Variants in COL4A2 observed in about 807,000 individuals in gnomAD.
The protein encoded by COL4A2 is collagen alpha-2(IV) chain.
In COL4A2, 99 loss-of-function variants were observed where a neutral mutation model predicts 200.2. That is an observed-to-expected ratio of 0.49 (90% confidence interval 0.42 to 0.58). The LOEUF is 0.58. Ranked by LOEUF, COL4A2 falls within the 20% of genes least tolerant of loss-of-function variation. The probability of loss-of-function intolerance (pLI) is 0.00; values close to 1 mark genes in which losing one functional copy is unlikely to be tolerated. For missense variants in COL4A2, 1,950 were observed against 2,314.1 expected (o/e 0.84, Z 3.23); for synonymous variants, 897 against 900.6 (o/e 1.00, Z 0.07).
intron 3 of COL4A2, among the ~76,000 whole-genome samples, chr13:110,334,694 C>T (rs548489428): frequency 1.3e-5 from 2 of 152,168 alleles, no homozygotes; most frequent in African/African-American, 2.4e-5. Flanking sequence ...CAAGAAAATT[C>T]CATTCCCCAA....
intron 27 of COL4A2, chr13:110,468,078 A>G: frequency 2.2e-6 from 1 of 453,186 alleles, no homozygotes; most frequent in Non-Finnish European, 4.6e-6. Flanking sequence ...TTCCCGTGAT[A>G]AACTGTAGAG....
intron 3 of COL4A2, among the ~76,000 whole-genome samples, chr13:110,317,250 C>T (rs1885160166): frequency 6.6e-6 from 1 of 151,592 alleles, no homozygotes. Context: ...CATATAGACA[C>T]ACTTGCACCA....
chr13:110,418,287 T>C lies in COL4A2; in HGVS notation c.181-6447T>C, dbSNP rs541970772. On this transcript the variant is annotated intron_variant, in intron 4 of 47. Coordinates refer to ENST00000360467, the MANE Select transcript of COL4A2 (RefSeq NM_001846.4). ...TCCGGAAGAAGTTGTTTATCAGATATGTGTTTTGCAAATATGTCTCCCAGT... is the reference window on the plus strand; with the variant it reads ...TCCGGAAGAAGTTGTTTATCAGATACGTGTTTTGCAAATATGTCTCCCAGT... Among the ~76,000 whole-genome samples the C allele has an allele frequency of 1.6e-3, 241 of 152,368 alleles. 1 individual carries two copies. The highest frequency in any genetic ancestry group is 0.01 in the Middle Eastern group (3 of 294).
At position 110,430,197 on chromosome 13, in the gene COL4A2, TAATATTAGTA is replaced by T. The variant is rs1880624174; in HGVS notation, c.550-196_550-187del. On this transcript the variant is annotated intron_variant, in intron 8 of 47. Transcript: ENST00000360467. ...TCCAAGCCAAATTAGTACTTGTAGT[TAATATTAGTA>T]AATATTAATATTACTAAAATATATT... 7 of 677,830 alleles carry T rather than the reference TAATATTAGTA, an allele frequency of 1.0e-5. No individual in the cohort carries two copies. The East Asian group carries it at 2.3e-4, about 22-fold the overall frequency. The allele number at this position is 677,830 out of a possible 1,614,324, so 42.0% of individuals were successfully genotyped here.
At chr13:110,504,333 G>A (rs955009450) in intron 45 of COL4A2, 69 bp downstream of exon 45, 2 of 1,329,948 alleles carry the variant, frequency 1.5e-6, no homozygotes, top group South Asian at 1.2e-5. Context: ...ACTGTGGTCT[G>A]CAGGAAGGGG....
intron 21 of COL4A2, chr13:110,458,336 T>TATGACCTTTC: frequency 2.9e-6 from 1 of 349,132 alleles, no homozygotes; most frequent in Non-Finnish European, 5.7e-6. Context: ...CCTGCTCACC[T>TATGACCTTTC]ATGACCTTTC....
chr13:110,334,037 C>T (rs933251102), intron 3 of COL4A2, among the ~76,000 whole-genome samples: 2 of 152,160 alleles, frequency 1.3e-5, no homozygotes, highest in African/African-American at 2.4e-5. Flanking sequence ...CTGCTGAGTT[C>T]GGCTGGATGG....
chr13:110,404,759 A>G (rs1050145136), intron 4 of COL4A2, among the ~76,000 whole-genome samples: 17 of 152,220 alleles, frequency 1.1e-4, no homozygotes, highest in Admixed American at 4.6e-4. Flanking sequence ...TCTCCCAGAG[A>G]AAGAGGAGGT....
chr13:110,485,185 G>A (rs537864768), intron 33 of COL4A2, among the ~76,000 whole-genome samples, 158 bp downstream of exon 33: 49 of 152,302 alleles, frequency 3.2e-4, no homozygotes, highest in African/African-American at 1.2e-3. Context: ...AGCTGGCGCA[G>A]GGTTGTTCTC....
intron 3 of COL4A2, among the ~76,000 whole-genome samples, chr13:110,341,345 C>A (rs1265057721): frequency 1.3e-5 from 2 of 152,214 alleles, no homozygotes; most frequent in African/African-American, 2.4e-5. Context: ...CCCTATGGAG[C>A]AGTGACTAAG....
At chr13:110,377,659 C>A (rs1202762203) in intron 4 of COL4A2, among the ~76,000 whole-genome samples, 1 of 152,202 alleles carries the variant, frequency 6.6e-6, no homozygotes, top group African/African-American at 2.4e-5. Flanking sequence ...TACAGAAACT[C>A]CTCCCCCGCC....
intron 10 of COL4A2, among the ~76,000 whole-genome samples, chr13:110,431,309 A>G (rs1268445702): frequency 1.3e-5 from 2 of 152,230 alleles, no homozygotes; most frequent in African/African-American, 4.8e-5. Flanking sequence ...GAGACAAGCT[A>G]TCAAGGGACA....
At chr13:110,381,463 T>C (rs1008418753) in intron 4 of COL4A2, among the ~76,000 whole-genome samples, 3 of 152,322 alleles carry the variant, frequency 2.0e-5, no homozygotes, top group South Asian at 2.1e-4. Flanking sequence ...GAAATAACAG[T>C]TATTAAACCT....
chr13:110,468,736 C>G (rs1214717769), intron 27 of COL4A2, among the ~76,000 whole-genome samples: 2 of 152,172 alleles, frequency 1.3e-5, no homozygotes, highest in African/African-American at 4.8e-5. Flanking sequence ...GGCTGAGGAA[C>G]CTCAGCCCTT....
intron 31 of COL4A2, among the ~76,000 whole-genome samples, chr13:110,481,956 A>C (rs1882946368): frequency 6.8e-6 from 1 of 146,656 alleles, no homozygotes; most frequent in South Asian, 2.1e-4. Flanking sequence ...TCCGTGCTGG[A>C]GACACACTGT....
Position 110,482,433 on chromosome 13 carries a change from G to A in COL4A2, c.2759-83G>A, listed in dbSNP as rs3803229. ...ATCTTCTCACTTGAGTTACATTGCC[G>A]AAATGTTACGGAGACGTGAGACTGA... On this transcript the variant is annotated intron_variant, in intron 31 of 47. Transcript: ENST00000360467. 465,672 of 1,463,490 alleles carry A rather than the reference G, an allele frequency of 0.32. 75,928 individuals are homozygous for A. Among genetic ancestry groups the A allele is most frequent in the East Asian group, 0.41 (17,745 of 43,484 alleles). The allele number at this position is 1,463,490 out of a possible 1,614,324, so 90.7% of individuals were successfully genotyped here. A position where few individuals can be genotyped will look rare whatever the true frequency, so the allele number is the denominator to read the frequency against.
Position 110,503,947 on chromosome 13 carries a change from T to C in COL4A2, c.4239T>C (p.Pro1413=). The C allele has an allele frequency of 6.3e-7, 1 of 1,574,988 alleles. No individual in the cohort carries two copies. The highest frequency in any genetic ancestry group is 8.6e-7 in the Non-Finnish European group (1 of 1,156,400). The stretch of plus-strand genomic sequence containing the variant: ...GTCCCCAGGGGAGGCGAGGCCCCCC[T>C]GGGGCACCGGGGGAGATGGGGCCCC... ...TVGPQGRRGP[P]GAPGEMGPQG... Residue 1413 remains proline, a synonymous_variant, in exon 44 of 48, where the codon CCT becomes CCC. Transcript: ENST00000360467.
In COL4A2 at chr13:110,381,009, CTCTA is replaced by C. The variant is rs150203088; in HGVS notation, c.180+23461_180+23464del. Among the ~76,000 whole-genome samples the C allele has an allele frequency of 6.9e-3, 1,018 of 148,514 alleles. 10 individuals are homozygous for C. The highest frequency in any genetic ancestry group is 0.025 in the African/African-American group (985 of 39,818). The stretch of plus-strand genomic sequence containing the variant: ...ACAGGCTCTATGTCACAACCACAGG[CTCTA>C]TCTCACACCCACGGGCTCTGTCTCA... On this transcript the variant is annotated intron_variant, in intron 4 of 47. Transcript: ENST00000360467.
In COL4A2 at chr13:110,512,546, G is replaced by T; in HGVS notation, c.*355G>T. The T allele has an allele frequency of 7.8e-6, 2 of 256,546 alleles. No homozygotes were observed. The highest frequency in any genetic ancestry group is 1.5e-5 in the Non-Finnish European group (2 of 133,954). The allele number at this position is 256,546 out of a possible 1,614,324, so 15.9% of individuals were successfully genotyped here. On this transcript the variant is annotated 3_prime_UTR_variant, in exon 48 of 48. Coordinates refer to ENST00000360467, the MANE Select transcript of COL4A2 (RefSeq NM_001846.4). ...ATTGTTCAACTCCCTTCTCGGGGTG[G>T]GACAGACGAGACAACAGCACACAGG...
Sources: gnomAD v4.1 joint callset for allele counts (sites outside exome capture counted in the v4.1 genomes callset) on GRCh38, gnomAD v4.1.1 for gene constraint, MANE v1.5 for transcripts, NCBI Gene and HGNC (gene_info 2026-07-23, HGNC 2026-07-21) for gene names.